The following HPS1 variants were observed in gnomAD, a reference collection of about 807,000 sequenced individuals.
The protein encoded by HPS1 is BLOC-3 complex member HPS1.
In HPS1, 59 loss-of-function variants were observed where a neutral mutation model predicts 90.6. The observed-to-expected ratio is 0.65, with a 90% CI of 0.53 to 0.81. The LOEUF (loss-of-function observed/expected upper bound fraction) is 0.81, where lower values mean the gene tolerates loss of function less well. Among genes scored for constraint, HPS1 ranks in the 30% least tolerant of loss-of-function variants. The probability of loss-of-function intolerance (pLI) is 0.00; values close to 1 mark genes in which losing one functional copy is unlikely to be tolerated. For synonymous variants in HPS1, 388 were observed against 384.4 expected, an observed-to-expected ratio of 1.01 and a Z score of -0.11; for missense variants, 849 against 896.7, an observed-to-expected ratio of 0.95 and a Z score of 0.68.
At position 98,444,832 on chromosome 10, in the gene HPS1, G is replaced by C. The variant is rs1330448518; in HGVS notation, c.-1+468C>G. ...GAGAGTGCAACAGGTGTGAAAAGGA[G>C]GTTGCTGGGAGAGGCGGGTGGACCT... On this transcript the variant is annotated intron_variant, in intron 2 of 19. Coordinates refer to ENST00000361490, the MANE Select transcript of HPS1 (RefSeq NM_000195.5). 4.6e-5 allele frequency among the ~76,000 whole-genome samples: 7 copies of C among 152,318 alleles called. No individual in the cohort carries two copies. The East Asian group carries it at 1.4e-3, about 29-fold the overall frequency.
chr10:98,430,732 G>A, intron 7 of HPS1, 62 bp from the exon 8 acceptor site: 1 of 1,382,846 alleles, frequency 7.2e-7, no homozygotes, highest in East Asian at 2.5e-5. Context: ...GGGCAGGCAG[G>A]TTAAAGGAGT....
chr10:98,418,129 C>A, intron 19 of HPS1, 46 bp downstream of exon 19: 1 of 1,311,532 alleles, frequency 7.6e-7, no homozygotes. Flanking sequence ...GCACTTATCA[C>A]CCAAATGGGG....
intron 3 of HPS1, 123 bp downstream of exon 3, chr10:98,443,001 C>T: frequency 1.2e-6 from 1 of 805,996 alleles, no homozygotes; most frequent in Non-Finnish European, 2.2e-6. Context: ...GGACCCCACC[C>T]AGCACCCTGC....
At chr10:98,440,262 T>C (rs1363952082) in intron 3 of HPS1, among the ~76,000 whole-genome samples, 1 of 152,220 alleles carries the variant, frequency 6.6e-6, no homozygotes, top group African/African-American at 2.4e-5. Context: ...GGCTTTTGAC[T>C]CAACATTTTT....
chr10:98,433,547 T>C (rs528452014), intron 6 of HPS1, among the ~76,000 whole-genome samples: 1 of 152,334 alleles, frequency 6.6e-6, no homozygotes, highest in South Asian at 2.1e-4. Flanking sequence ...AGTTGCAGGC[T>C]CAGCTCTCCT....
chr10:98,429,680 C>T, intron 9 of HPS1, 38 bp from the exon 10 acceptor site: 4 of 1,614,078 alleles, frequency 2.5e-6, no homozygotes, highest in Non-Finnish European at 3.4e-6. Context: ...AGAGGCTCTC[C>T]CAGCTGGCTC....
intron 13 of HPS1, 58 bp from the exon 14 acceptor site, chr10:98,424,432 G>A (rs938578503): frequency 1.1e-5 from 16 of 1,454,234 alleles, no homozygotes; most frequent in Non-Finnish European, 1.5e-5. Context: ...TGAGGTCCAG[G>A]CCAAAGTCCT....
At chr10:98,426,456 G>A (rs1440406646) in intron 11 of HPS1, among the ~76,000 whole-genome samples, 2 of 152,216 alleles carry the variant, frequency 1.3e-5, no homozygotes, top group Admixed American at 6.5e-5. Flanking sequence ...CTTACAGAGG[G>A]ATCTAAGCAA....
chr10:98,429,673 GGCTCTCCCAGCTGGCTCAACCCTGTCCCT>G, intron 9 of HPS1, 31 bp from the exon 10 acceptor site: 1 of 1,614,092 alleles, frequency 6.2e-7, no homozygotes, highest in Non-Finnish European at 8.5e-7. Flanking sequence ...CAGGTTGAGA[GGCTCTCCCAGCTGGCTCAACCCTGTCCCT>G]GCTCTCCCAG....
rs575990483 is a variant in HPS1, at chr10:98,437,734, C to T, written c.118-1962G>A. Among the ~76,000 whole-genome samples the T allele has an allele frequency of 3.9e-5, 6 of 152,334 alleles. No individual in the cohort carries two copies. The South Asian group carries it at 1.2e-3, about 32-fold the overall frequency. ...TGAGTTTGTTATTAACAGAATGTAT[C>T]ACCATCATTAAGCAGGGCATGACTA... On this transcript the variant is annotated intron_variant, in intron 3 of 19. Transcript: ENST00000361490.
intron 10 of HPS1, among the ~76,000 whole-genome samples, chr10:98,427,760 C>T (rs558999105): frequency 2.8e-4 from 43 of 152,290 alleles, no homozygotes; most frequent in Non-Finnish European, 4.6e-4. Flanking sequence ...CCTAATATAA[C>T]GCACAAAAAC....
intron 18 of HPS1, among the ~76,000 whole-genome samples, chr10:98,418,501 T>G (rs1241891876): frequency 6.6e-6 from 1 of 152,212 alleles, no homozygotes; most frequent in Non-Finnish European, 1.5e-5. Flanking sequence ...TACCTGGACC[T>G]GTACAGGCCA....
intron 18 of HPS1, 24 bp downstream of exon 18, chr10:98,420,021 G>A (rs767981832): frequency 2.1e-6 from 3 of 1,447,322 alleles, no homozygotes; most frequent in African/African-American, 2.8e-5. Context: ...GCCCGTCCTG[G>A]CCCAGGGACT....
chr10:98,428,242 T>C (rs1205070569), intron 10 of HPS1, among the ~76,000 whole-genome samples: 1 of 152,242 alleles, frequency 6.6e-6, no homozygotes, highest in African/African-American at 2.4e-5. Flanking sequence ...TAAAAGCATC[T>C]AACCCAGTGG....
Position 98,417,642 on chromosome 10 carries a change from G to A in HPS1, c.2025C>T (p.Ile675=). The stretch of plus-strand genomic sequence containing the variant: ...CCTGCTGCACCAGCAGGTCAGTGGG[G>A]ATGACAGACAGGTGCAGGGCCAGCA... ...YELLALHLSV[I]PTDLLVQQAG... The change falls in exon 20 of 20, where the codon ATC becomes ATT. Residue 675 remains isoleucine, a synonymous_variant. Transcript: ENST00000361490. The surrounding 1 kb of genome is among the most constrained non-coding windows in gnomAD (Gnocchi z 4.2). The A allele has an allele frequency of 6.2e-7, 1 of 1,613,716 alleles. No individual in the cohort carries two copies. The highest frequency in any genetic ancestry group is 8.5e-7 in the Non-Finnish European group (1 of 1,179,912).
rs985279196 is a variant in HPS1, at chr10:98,445,904, A to T, written c.-105-500T>A. On this transcript the variant is annotated intron_variant, in intron 1 of 19. Transcript: ENST00000361490. This position sits in a 1 kb window ranked among gnomAD's most constrained non-coding sequence, Gnocchi z 4.5. ...CTCTGAGCCTCAAACTCCTGCGGAGAAACAGAGCAACATCCCCTACTCTAC... is the reference window on the plus strand; with the variant it reads ...CTCTGAGCCTCAAACTCCTGCGGAGTAACAGAGCAACATCCCCTACTCTAC... Among the ~76,000 whole-genome samples the T allele has an allele frequency of 1.3e-5, 2 of 152,212 alleles. No homozygotes were observed. The highest frequency in any genetic ancestry group is 2.9e-5 in the Non-Finnish European group (2 of 68,044).
chr10:98,422,223 A>T (rs1459029960), intron 17 of HPS1, 146 bp downstream of exon 17: 3 of 807,102 alleles, frequency 3.7e-6, no homozygotes, highest in Non-Finnish European at 6.2e-6. Flanking sequence ...CTTGTCGAGC[A>T]TTTATTTATG....
chr10:98,417,442 C>T lies in HPS1; in HGVS notation c.*122G>A. On this transcript the variant is annotated 3_prime_UTR_variant, in exon 20 of 20. Transcript: ENST00000361490. This position sits in a 1 kb window ranked among gnomAD's most constrained non-coding sequence, Gnocchi z 4.2. ...GGGTTTTAGAAGCCCTGGGGCCACC[C>T]TGGGCACTCTGCCCTATCCTCAGGA... 3.5e-6 allele frequency: 3 copies of T among 865,774 alleles called. No homozygotes were observed. The South Asian group carries it at 5.2e-5, about 15-fold the overall frequency. The allele number at this position is 865,774 out of a possible 1,614,324, so 53.6% of individuals were successfully genotyped here. A position where few individuals can be genotyped will look rare whatever the true frequency, so the allele number is the denominator to read the frequency against.
chr10:98,425,867 A>T lies in HPS1; in HGVS notation c.1106T>A (p.Met369Lys), dbSNP rs142362321. The change falls in exon 12 of 20, where the codon ATG becomes AAG. Residue 369 changes from methionine (M) to lysine (K), a missense_variant. Coordinates refer to ENST00000361490, the MANE Select transcript of HPS1 (RefSeq NM_000195.5). ...GCCCTGCCACAGGGGCAGGCAGTAC[A>T]TGGTGTGGGGCACTAGGGGGCAGTA... ...ESYCPLVPHT[M>K]YCLPLWQGIN... 9.9e-6 allele frequency: 16 copies of T among 1,613,970 alleles called. No homozygotes were observed. The highest frequency in any genetic ancestry group is 1.4e-5 in the Non-Finnish European group (16 of 1,180,014).
Sources: gnomAD v4.1 joint callset for allele counts (sites outside exome capture counted in the v4.1 genomes callset) on GRCh38, gnomAD v4.1.1 for gene constraint, Gnocchi (gnomAD v3.1) non-coding constraint, MANE v1.5 for transcripts, NCBI Gene and HGNC (gene_info 2026-07-23, HGNC 2026-07-21) for gene names.